The following ZNF780B variants were observed in gnomAD, a reference collection of about 807,000 sequenced individuals.
ZNF780B encodes the protein zinc finger protein 779.
A neutral mutation model predicts 74.1 loss-of-function variants in ZNF780B; 52 were observed. The observed-to-expected ratio is 0.70, with a 90% CI of 0.56 to 0.88. ZNF780B has a LOEUF of 0.88. Ranked by LOEUF, ZNF780B falls within the 40% of genes least tolerant of loss-of-function variation. The probability of loss-of-function intolerance (pLI) is 0.00; values close to 1 mark genes in which losing one functional copy is unlikely to be tolerated. For synonymous variants in ZNF780B, 315 were observed against 324.3 expected, an observed-to-expected ratio of 0.97 and a Z score of 0.31; for missense variants, 953 against 1,007.6, an observed-to-expected ratio of 0.95 and a Z score of 0.73.
chr19:40,035,389 T>C lies in ZNF780B; in HGVS notation c.1470A>G (p.Arg490=). 1 of 1,614,124 alleles carries C rather than the reference T, an allele frequency of 6.2e-7. No homozygotes were observed. The highest frequency in any genetic ancestry group is 1.1e-5 in the South Asian group (1 of 91,078). The change falls in exon 5 of 5, where the codon CGA becomes CGG. Residue 490 remains arginine, a synonymous_variant. Transcript: ENST00000434248. ...TCTCACCAGTATGAATGTTCTTATG[T>C]CGAGCAAGCTGTGTCAGAAGACTAA... ...KAFSLLTQLA[R]HKNIHTGEKP...
At chr19:40,037,865 C>T (rs1027552438) in intron 4 of ZNF780B, among the ~76,000 whole-genome samples, 3 of 149,436 alleles carry the variant, frequency 2.0e-5, no homozygotes, top group Non-Finnish European at 3.0e-5. Flanking sequence ...TTGTAACAAA[C>T]ATCCAACTCC....
intron 4 of ZNF780B, among the ~76,000 whole-genome samples, chr19:40,040,510 G>T (rs1226542904): frequency 3.3e-5 from 5 of 152,164 alleles, no homozygotes; most frequent in Non-Finnish European, 5.9e-5. Flanking sequence ...TTTACCTCTG[G>T]TAGAATTCGG....
At chr19:40,046,936 G>A (rs1008446261) in intron 4 of ZNF780B, among the ~76,000 whole-genome samples, 15 of 152,146 alleles carry the variant, frequency 9.9e-5, no homozygotes, top group Non-Finnish European at 1.5e-4. Flanking sequence ...TCCAAAATAC[G>A]TGTTAAAAGT....
chr19:40,043,735 C>T (rs908004487), intron 4 of ZNF780B, among the ~76,000 whole-genome samples: 2 of 152,184 alleles, frequency 1.3e-5, no homozygotes, highest in African/African-American at 4.8e-5. Context: ...CCTGGTGTGC[C>T]GTTTTTTAAG....
chr19:40,032,148 A>T lies in ZNF780B; in HGVS notation c.*2209T>A. ...CCAACAACATTTCTGGGCTACTCAA[A>T]ATTCAATGTCATTTTTTTAAAATGA... On this transcript the variant is annotated 3_prime_UTR_variant, in exon 5 of 5. Coordinates refer to ENST00000434248, the MANE Select transcript of ZNF780B (RefSeq NM_001005851.3). 2.3e-6 allele frequency: 1 copy of T among 435,542 alleles called. No homozygotes were observed. 27.0% of individuals were successfully genotyped at this position (435,542 alleles called of 1,614,324 possible).
At position 40,050,304 on chromosome 19, in the gene ZNF780B, A is replaced by G. The variant is rs569883305; in HGVS notation, c.9+20T>C. 53 of 1,597,030 alleles carry G rather than the reference A, an allele frequency of 3.3e-5. No homozygotes were observed. The Middle Eastern group carries it at 1.3e-3, about 40-fold the overall frequency. ...ACCTGAAAGTCACCATATTTCAAGA[A>G]GACAGAAACACCAACTTACATGGAC... On this transcript the variant is annotated intron_variant, in intron 2 of 4. Coordinates refer to ENST00000434248, the MANE Select transcript of ZNF780B (RefSeq NM_001005851.3).
At chr19:40,048,851 G>A (rs556455946) in intron 2 of ZNF780B, 55 bp from the exon 3 acceptor site, 41 of 1,609,270 alleles carry the variant, frequency 2.5e-5, no homozygotes, top group East Asian at 2.5e-4. Flanking sequence ...GTTTCAAGAC[G>A]AAAGGAGAGG....
At chr19:40,037,506 C>A (rs1042448779) in intron 4 of ZNF780B, among the ~76,000 whole-genome samples, 4 of 152,092 alleles carry the variant, frequency 2.6e-5, no homozygotes, top group Non-Finnish European at 5.9e-5. Flanking sequence ...GAACTCCTGG[C>A]ATCAAGCAAT....
intron 4 of ZNF780B, among the ~76,000 whole-genome samples, chr19:40,043,244 A>G (rs1295318887): frequency 1.3e-5 from 2 of 152,086 alleles, no homozygotes; most frequent in Non-Finnish European, 2.9e-5. Flanking sequence ...GATATTGGTG[A>G]CCCGCAAATG....
In ZNF780B at chr19:40,032,375, A is replaced by G. The variant is rs535129103; in HGVS notation, c.*1982T>C. 2.3e-5 allele frequency: 9 copies of G among 395,736 alleles called. No individual in the cohort carries two copies. Among genetic ancestry groups the G allele is most frequent in the Non-Finnish European group, 3.9e-5 (8 of 202,662 alleles). The allele number at this position is 395,736 out of a possible 1,614,324, so 24.5% of individuals were successfully genotyped here. On this transcript the variant is annotated 3_prime_UTR_variant, in exon 5 of 5. Coordinates refer to ENST00000434248, the MANE Select transcript of ZNF780B (RefSeq NM_001005851.3). ...GTTTCCATGCTACAATACACTAAAG[A>G]GAGATAACCAAATGCAATGCAGAAT...
Position 40,036,529 on chromosome 19 carries a change from T to G in ZNF780B, c.330A>C (p.Thr110=), listed in dbSNP as rs745934951. The change falls in exon 5 of 5, where the codon ACA becomes ACC. Residue 110 remains threonine (T), a synonymous_variant. Coordinates refer to ENST00000434248, the MANE Select transcript of ZNF780B (RefSeq NM_001005851.3). ...TAAAATAAAAGGCCTCGAGGCCAAG[T>G]GTTTTACTTATTTGCTTTATAACAT... ...PKHVIKQISK[T]LGLEAFYFRN... 192 of 1,601,066 alleles carry G rather than the reference T, an allele frequency of 1.2e-4. No individual in the cohort carries two copies. The highest frequency in any genetic ancestry group is 1.5e-4 in the Non-Finnish European group (175 of 1,175,132).
intron 4 of ZNF780B, among the ~76,000 whole-genome samples, chr19:40,040,722 T>C (rs1371102593): frequency 6.6e-6 from 1 of 152,194 alleles, no homozygotes; most frequent in Non-Finnish European, 1.5e-5. Flanking sequence ...TATTCTCTGA[T>C]GGTAGTTTGT....
chr19:40,044,073 C>T (rs1972811926), intron 4 of ZNF780B, among the ~76,000 whole-genome samples: 2 of 152,160 alleles, frequency 1.3e-5, no homozygotes, highest in Non-Finnish European at 2.9e-5. Flanking sequence ...ATCTTTTAAG[C>T]CTTAGGATAA....
At chr19:40,039,824 GT>G (rs1462578105) in intron 4 of ZNF780B, among the ~76,000 whole-genome samples, 1 of 151,838 alleles carries the variant, frequency 6.6e-6, no homozygotes, top group Non-Finnish European at 1.5e-5. Context: ...AGACAATGGG[GT>G]TTTCTAGATA....
At chr19:40,048,486 A>C (rs1973047105) in intron 3 of ZNF780B, among the ~76,000 whole-genome samples, 184 bp downstream of exon 3, 1 of 152,216 alleles carries the variant, frequency 6.6e-6, no homozygotes, top group African/African-American at 2.4e-5. Flanking sequence ...GCCCTGGTGC[A>C]GTAGGCAAGA....
chr19:40,043,698 C>T (rs111422130), intron 4 of ZNF780B, among the ~76,000 whole-genome samples: 1 of 152,238 alleles, frequency 6.6e-6, no homozygotes, highest in South Asian at 2.1e-4. Flanking sequence ...GCATAGGACC[C>T]TCCGAGCCAT....
rs555730284 is a variant in ZNF780B at position 40,031,837 on chromosome 19, C to T, written c.*2520G>A. ...GACTATAACTTTTCAGAGATGACAA[C>T]GTCTCTCCATAGATTACTTACCCAC... On this transcript the variant is annotated 3_prime_UTR_variant, in exon 5 of 5. Transcript: ENST00000434248. 1.9e-5 allele frequency: 5 copies of T among 266,562 alleles called. No individual in the cohort carries two copies. Among genetic ancestry groups the T allele is most frequent in the African/African-American group, 6.6e-5 (3 of 45,496 alleles). The allele number at this position is 266,562 out of a possible 1,614,324, so 16.5% of individuals were successfully genotyped here.
intron 1 of ZNF780B, chr19:40,055,456 C>T (rs1973450978): frequency 6.6e-6 from 1 of 152,188 alleles, no homozygotes; most frequent in African/African-American, 2.4e-5. Context: ...TCATCCTCCT[C>T]TCGGTCCTTC....
At position 40,032,325 on chromosome 19, in the gene ZNF780B, T is replaced by A. The variant is rs1324310969; in HGVS notation, c.*2032A>T. The A allele has an allele frequency of 1.1e-5, 4 of 377,454 alleles. No individual in the cohort carries two copies. Among genetic ancestry groups the A allele is most frequent in the African/African-American group, 8.5e-5 (4 of 47,218 alleles). The allele number at this position is 377,454 out of a possible 1,614,324, so 23.4% of individuals were successfully genotyped here. The stretch of plus-strand genomic sequence containing the variant: ...CCACAGGGGATTCTGATACCCACCA[T>A]AATTTGAGAGCATACTTTCATGGGG... On this transcript the variant is annotated 3_prime_UTR_variant, in exon 5 of 5. Transcript: ENST00000434248.
Sources: allele counts gnomAD v4.1 joint callset (sites outside exome capture counted in the v4.1 genomes callset), GRCh38; gene constraint gnomAD v4.1.1; transcripts MANE v1.5; gene names NCBI Gene and HGNC (gene_info 2026-07-23, HGNC 2026-07-21).